DLG2: variants seen among roughly 807,000 people sequenced by gnomAD.
DLG2 encodes the protein discs large MAGUK scaffold protein 2, also known as disks large homolog 2.
Under a neutral mutation model 132.5 loss-of-function variants are expected in DLG2, and 45 were observed. The observed-to-expected ratio is 0.34, with a 90% CI of 0.27 to 0.44. DLG2 has a LOEUF of 0.44. DLG2 is among the 20% of genes least tolerant of loss of function. The pLI is 1.00. For missense variants in DLG2, 1,045 were observed against 1,196.9 expected, an observed-to-expected ratio of 0.87 and a Z score of 1.87; for synonymous variants, 424 against 419.6, an observed-to-expected ratio of 1.01 and a Z score of -0.13.
chr11:84,415,705 G>A (rs1455701226), intron 7 of DLG2, among the ~76,000 whole-genome samples: 1 of 152,146 alleles, frequency 6.6e-6, no homozygotes, highest in African/African-American at 2.4e-5. Context: ...TTTTTTGATA[G>A]TCAAGATGGT....
intron 3 of DLG2, among the ~76,000 whole-genome samples, chr11:85,555,800 C>G (rs1224844529): frequency 6.6e-6 from 1 of 151,834 alleles, no homozygotes; most frequent in African/African-American, 2.4e-5. Context: ...TTTCTGCCAC[C>G]TCCCTCAGAG....
chr11:84,205,522 A>G (rs988290490), intron 8 of DLG2, among the ~76,000 whole-genome samples: 1 of 150,976 alleles, frequency 6.6e-6, no homozygotes, highest in Admixed American at 6.6e-5. Context: ...CTGAAAACAT[A>G]GACTAAATTC....
chr11:84,592,933 TAAAAAAAAAAAAAA>T (rs61017970), intron 6 of DLG2, among the ~76,000 whole-genome samples: 42 of 18,194 alleles, frequency 2.3e-3, no homozygotes, highest in African/African-American at 5.6e-3. Context: ...CTGTCTCTAC[TAAAAAAAAAAAAAA>T]AAAAAAAAAA....
At position 85,011,941 on chromosome 11, in the gene DLG2, C is replaced by T. The variant is rs535504068; in HGVS notation, c.357+99720G>A. 2.0e-5 allele frequency among the ~76,000 whole-genome samples: 3 copies of T among 152,186 alleles called. No individual in the cohort carries two copies. The Middle Eastern group carries it at 0.01, about 518-fold the overall frequency. ...AGTATGCTTTTTACTATTCTAGGTT[C>T]TAGAGGCACATATGAATTACTCATT... On this transcript the variant is annotated intron_variant, in intron 6 of 27. Coordinates refer to ENST00000376104, the MANE Select transcript of DLG2 (RefSeq NM_001142699.3).
chr11:83,852,300 G>A (rs546223630), intron 16 of DLG2, among the ~76,000 whole-genome samples: 1 of 152,334 alleles, frequency 6.6e-6, no homozygotes, highest in Non-Finnish European at 1.5e-5. Context: ...GAGTCACTGA[G>A]GCTGACTCAA....
chr11:85,379,228 G>A (rs796484299), intron 3 of DLG2, among the ~76,000 whole-genome samples: 8 of 152,168 alleles, frequency 5.3e-5, no homozygotes, highest in African/African-American at 1.7e-4. Context: ...GCTAGTCATT[G>A]TTAGACTCCC....
At chr11:83,676,270 T>G (rs2077674336) in intron 18 of DLG2, among the ~76,000 whole-genome samples, 1 of 152,172 alleles carries the variant, frequency 6.6e-6, no homozygotes, top group Non-Finnish European at 1.5e-5. Flanking sequence ...CCTGGGGCCA[T>G]GAGGGCAATT....
intron 11 of DLG2, among the ~76,000 whole-genome samples, chr11:84,032,841 A>C (rs2095743447): frequency 6.6e-6 from 1 of 152,038 alleles, no homozygotes; most frequent in South Asian, 2.1e-4. Context: ...CCAATCCCCA[A>C]ATCCTGGAGC....
intron 10 of DLG2, among the ~76,000 whole-genome samples, chr11:84,061,393 G>A (rs1455462178): frequency 6.6e-6 from 1 of 152,000 alleles, no homozygotes; most frequent in Non-Finnish European, 1.5e-5. Flanking sequence ...TCAACTATTG[G>A]ATACTCCCTA....
At chr11:83,928,540 A>G (rs898580768) in intron 15 of DLG2, among the ~76,000 whole-genome samples, 3 of 152,172 alleles carry the variant, frequency 2.0e-5, no homozygotes, top group African/African-American at 7.2e-5. Flanking sequence ...GAAGAAGGGA[A>G]GGAATATGAG....
intron 18 of DLG2, chr11:83,652,137 T>C (rs1408798433): frequency 3.6e-6 from 1 of 279,282 alleles, no homozygotes; most frequent in Non-Finnish European, 7.2e-6. Flanking sequence ...TTATTTTGTG[T>C]TTTTTTGGTG....
chr11:85,198,128 G>T (rs905942948), intron 4 of DLG2, among the ~76,000 whole-genome samples: 1 of 152,024 alleles, frequency 6.6e-6, no homozygotes, highest in East Asian at 1.9e-4. Context: ...TGGCTCAAAG[G>T]TACTGAGATT....
intron 15 of DLG2, among the ~76,000 whole-genome samples, chr11:83,894,908 C>T (rs1032011107): frequency 8.5e-5 from 13 of 152,108 alleles, no homozygotes; most frequent in Non-Finnish European, 1.5e-4. Flanking sequence ...CCTTTCTGTG[C>T]CTGGCTTATT....
intron 7 of DLG2, among the ~76,000 whole-genome samples, chr11:84,460,120 C>A (rs1184969341): frequency 6.7e-6 from 1 of 150,360 alleles, no homozygotes. Context: ...TAGAATGATA[C>A]TTTTTTATTT....
intron 10 of DLG2, among the ~76,000 whole-genome samples, chr11:84,062,721 G>A (rs1481256100): frequency 7.3e-6 from 1 of 136,964 alleles, no homozygotes; most frequent in Non-Finnish European, 1.6e-5. Context: ...CAGACACTCA[G>A]AGTTGATTGT....
intron 4 of DLG2, among the ~76,000 whole-genome samples, chr11:85,171,513 G>C (rs981712902): frequency 5.9e-5 from 9 of 152,220 alleles, no homozygotes; most frequent in Non-Finnish European, 1.2e-4. Flanking sequence ...AGAGGCCCAA[G>C]GGTTTTGTAT....
intron 6 of DLG2, among the ~76,000 whole-genome samples, chr11:84,576,731 T>C (rs1487848856): frequency 6.6e-6 from 1 of 152,182 alleles, no homozygotes. Context: ...AGATAATTTA[T>C]TTATTAGGTA....
chr11:85,587,388 G>T (rs1163072603), intron 3 of DLG2, among the ~76,000 whole-genome samples: 2 of 151,938 alleles, frequency 1.3e-5, no homozygotes, highest in East Asian at 1.9e-4. Context: ...TCCAGTGTTG[G>T]GTGCATATAT....
At chr11:85,480,190 T>C (rs2153088104) in intron 3 of DLG2, among the ~76,000 whole-genome samples, 1 of 152,302 alleles carries the variant, frequency 6.6e-6, no homozygotes, top group South Asian at 2.1e-4. Flanking sequence ...ACAATCACTT[T>C]AGAGAACATG....
Sources: gnomAD v4.1 joint callset for allele counts (sites outside exome capture counted in the v4.1 genomes callset) on GRCh38, gnomAD v4.1.1 for gene constraint, MANE v1.5 for transcripts, NCBI Gene and HGNC (gene_info 2026-07-23, HGNC 2026-07-21) for gene names.